NME7: variants seen among roughly 807,000 people sequenced by gnomAD.
NME7 encodes nucleoside diphosphate kinase 7.
NME7 carries 41 observed loss-of-function variants against 49.1 expected under a neutral mutation model. The ratio of observed to expected loss-of-function variants is 0.83; its 90% CI spans 0.65 to 1.08. NME7 has a LOEUF of 1.08. Ranked by LOEUF, NME7 falls within the 50% of genes least tolerant of loss-of-function variation. The pLI is 0.00. For synonymous variants in NME7, 139 were observed against 150.6 expected (o/e 0.92, Z 0.56); for missense variants, 423 against 463.4 (o/e 0.91, Z 0.80).
chr1:169,275,427 C>T (rs1424416353), intron 7 of NME7, among the ~76,000 whole-genome samples: 3 of 105,900 alleles, frequency 2.8e-5, no homozygotes, highest in African/African-American at 6.5e-5. Context: ...TGCAGTGAGT[C>T]GAGATCGCGC....
At chr1:169,307,528 A>T (rs1478112571) in intron 4 of NME7, among the ~76,000 whole-genome samples, 1 of 152,236 alleles carries the variant, frequency 6.6e-6, no homozygotes, top group Non-Finnish European at 1.5e-5. Flanking sequence ...CAAAGAAACT[A>T]GCAAATGTAT....
At chr1:169,160,839 C>T (rs919171144) in intron 11 of NME7, among the ~76,000 whole-genome samples, 8 of 152,194 alleles carry the variant, frequency 5.3e-5, no homozygotes, top group Non-Finnish European at 1.2e-4. Context: ...GGCTACCTTT[C>T]ACATCCAATT....
At chr1:169,197,497 T>C (rs1660421372) in intron 10 of NME7, among the ~76,000 whole-genome samples, 1 of 152,058 alleles carries the variant, frequency 6.6e-6, no homozygotes, top group Non-Finnish European at 1.5e-5. Flanking sequence ...AATGTACACA[T>C]GGCACAAAGA....
At chr1:169,287,010 TAGAA>T (rs1180393100) in intron 7 of NME7, 1 of 278,128 alleles carries the variant, frequency 3.6e-6, no homozygotes, top group Admixed American at 5.3e-5. Flanking sequence ...AATTTGTGAT[TAGAA>T]AGAGAGAAGG....
chr1:169,326,611 G>A (rs1361283305), intron 1 of NME7, among the ~76,000 whole-genome samples: 4 of 152,290 alleles, frequency 2.6e-5, no homozygotes, highest in African/African-American at 9.6e-5. Flanking sequence ...TTTTGGAAAC[G>A]AACTCCCAAG....
intron 10 of NME7, among the ~76,000 whole-genome samples, chr1:169,191,108 G>T (rs757570646): frequency 1.3e-5 from 2 of 151,724 alleles, no homozygotes; most frequent in African/African-American, 4.8e-5. Flanking sequence ...CACCGCGCCC[G>T]GCCGCAAGTG....
chr1:169,287,163 C>T (rs1301719958), intron 7 of NME7, 140 bp downstream of exon 7: 2 of 676,594 alleles, frequency 3.0e-6, no homozygotes, highest in Non-Finnish European at 5.2e-6. Flanking sequence ...TATATTTTGT[C>T]ACCTTTACTC....
chr1:169,226,430 G>A (rs1389886891), intron 10 of NME7, among the ~76,000 whole-genome samples: 1 of 152,086 alleles, frequency 6.6e-6, no homozygotes. Context: ...AGAAAAGAAT[G>A]GAGAAAAGGA....
intron 10 of NME7, among the ~76,000 whole-genome samples, chr1:169,230,479 A>T (rs1647562018): frequency 6.6e-6 from 1 of 152,230 alleles, no homozygotes; most frequent in African/African-American, 2.4e-5. Flanking sequence ...AGAAAAAAAG[A>T]AAATGCGATA....
At chr1:169,242,248 C>A (rs1444254645) in intron 7 of NME7, among the ~76,000 whole-genome samples, 1 of 152,068 alleles carries the variant, frequency 6.6e-6, no homozygotes, top group Non-Finnish European at 1.5e-5. Flanking sequence ...TTCAAACTAT[C>A]AACCAATATA....
rs1651803347 is a variant in NME7, at chr1:169,320,267, A to T, written c.278+2850T>A. 2.0e-5 allele frequency among the ~76,000 whole-genome samples: 3 copies of T among 152,338 alleles called. No individual in the cohort carries two copies. The South Asian group carries it at 6.2e-4, about 32-fold the overall frequency. On this transcript the variant is annotated intron_variant, in intron 3 of 11. Transcript: ENST00000367811. Reference sequence around the variant, plus strand: ...TTATCCATTTGATTAGAGGATCTTTATAAAGAGAGGATAAAAATGTGAATC... The same window carrying T: ...TTATCCATTTGATTAGAGGATCTTTTTAAAGAGAGGATAAAAATGTGAATC...
chr1:169,324,888 G>T (rs1652002160), intron 1 of NME7, among the ~76,000 whole-genome samples: 1 of 152,110 alleles, frequency 6.6e-6, no homozygotes, highest in Non-Finnish European at 1.5e-5. Flanking sequence ...TCTGAGGAGA[G>T]CTCTCAATTA....
intron 7 of NME7, among the ~76,000 whole-genome samples, chr1:169,246,360 A>C (rs568730204): frequency 1.3e-5 from 2 of 152,280 alleles, no homozygotes; most frequent in South Asian, 2.1e-4. Context: ...CAGAATTGTT[A>C]AATTGGGAAC....
chr1:169,334,628 A>G (rs1652387460), intron 1 of NME7, among the ~76,000 whole-genome samples: 1 of 152,226 alleles, frequency 6.6e-6, no homozygotes, highest in Admixed American at 6.5e-5. Flanking sequence ...AAACCTACAC[A>G]ATACCATTCA....
At chr1:169,343,209 T>G (rs1652842091) in intron 1 of NME7, among the ~76,000 whole-genome samples, 2 of 151,474 alleles carry the variant, frequency 1.3e-5, no homozygotes, top group Admixed American at 1.3e-4. Context: ...ATATATATAT[T>G]TCTATAGTTT....
intron 10 of NME7, among the ~76,000 whole-genome samples, chr1:169,210,829 A>G (rs1372043094): frequency 1.3e-5 from 2 of 152,120 alleles, no homozygotes; most frequent in African/African-American, 4.8e-5. Context: ...ACCCTGCCCC[A>G]GTCGTTCTCT....
intron 10 of NME7, among the ~76,000 whole-genome samples, chr1:169,221,727 A>G (rs1306499468): frequency 6.6e-6 from 1 of 151,740 alleles, no homozygotes; most frequent in Non-Finnish European, 1.5e-5. Context: ...ACATGTGCAC[A>G]CACCCAAATT....
chr1:169,335,015 TA>T (rs1325165418), intron 1 of NME7, among the ~76,000 whole-genome samples: 2 of 152,130 alleles, frequency 1.3e-5, no homozygotes, highest in African/African-American at 4.8e-5. Context: ...CACAATGAGA[TA>T]CCATCTCACA....
At chr1:169,237,111 G>C (rs1484979064) in intron 8 of NME7, among the ~76,000 whole-genome samples, 2 of 151,970 alleles carry the variant, frequency 1.3e-5, no homozygotes. Flanking sequence ...GGGCTCTGAA[G>C]GTGCAGCGGT....
Sources: gnomAD v4.1 joint callset for allele counts (sites outside exome capture counted in the v4.1 genomes callset) on GRCh38, gnomAD v4.1.1 for gene constraint, MANE v1.5 for transcripts, NCBI Gene and HGNC (gene_info 2026-07-23, HGNC 2026-07-21) for gene names.